SLC19A1: variants seen among roughly 807,000 people sequenced by gnomAD.
The protein encoded by SLC19A1 is reduced folate transporter.
Under a neutral mutation model 35.3 loss-of-function variants are expected in SLC19A1, and 37 were observed. The observed-to-expected ratio is 1.05, with a 90% CI of 0.81 to 1.38. SLC19A1 has a LOEUF of 1.38. SLC19A1 is among the 40% of genes most tolerant of loss of function. SLC19A1 has a pLI of 0.00. For missense variants in SLC19A1, 831 were observed against 826.9 expected (o/e 1.00, Z -0.06); for synonymous variants, 460 against 398.5 (o/e 1.15, Z -1.84).
chr21:45,522,520 A>G (rs1278132159), intron 5 of SLC19A1, among the ~76,000 whole-genome samples: 1 of 152,210 alleles, frequency 6.6e-6, no homozygotes, highest in East Asian at 1.9e-4. Flanking sequence ...AGGAAAACCT[A>G]TATTCACACA....
At chr21:45,502,611 T>C (rs2036925607) in intron 3 of SLC19A1, 1 of 152,170 alleles carries the variant, frequency 6.6e-6, no homozygotes, top group Admixed American at 6.5e-5. Flanking sequence ...CGAACAACAT[T>C]CCTGCACCTC....
At chr21:45,505,484 C>T (rs1410925821) in intron 3 of SLC19A1, 4 of 905,766 alleles carry the variant, frequency 4.4e-6, no homozygotes, top group Middle Eastern at 3.2e-4. Context: ...CTGGCTGGTT[C>T]TGCAGCCCCT....
chr21:45,534,902 C>A lies in SLC19A1; in HGVS notation c.190-2754G>T, dbSNP rs760975581. ...CTGCCTGAGCCCAGCGTCGGCCCTG[C>A]TCTCCACAGGTCTTGGTTGGGGTCC... is the stretch of plus-strand genomic sequence containing the variant. On this transcript the variant is annotated intron_variant, in intron 2 of 5. Coordinates refer to ENST00000311124, the MANE Select transcript of SLC19A1 (RefSeq NM_194255.4). This position sits in a 1 kb window ranked among gnomAD's most constrained non-coding sequence, Gnocchi z 4.2. Among the ~76,000 whole-genome samples, 1 of 152,280 alleles carries A rather than the reference C, an allele frequency of 6.6e-6. No individual in the cohort carries two copies. The highest frequency in any genetic ancestry group is 2.4e-5 in the African/African-American group (1 of 41,478).
At chr21:45,562,129 CA>C (rs34594751) in intron 1 of SLC19A1, among the ~76,000 whole-genome samples, 34,702 of 120,768 alleles carry the variant, frequency 0.29, 4,781 homozygotes, top group Middle Eastern at 0.37. Flanking sequence ...GACTCTGTCT[CA>C]AAAAAAAAAA....
chr21:45,538,336 A>C lies in SLC19A1; in HGVS notation c.-49-328T>G, dbSNP rs934412395. Among the ~76,000 whole-genome samples, 7 of 152,334 alleles carry C rather than the reference A, an allele frequency of 4.6e-5. No homozygotes were observed. In the South Asian group the frequency reaches 1.2e-3, roughly 27 times the overall value. ...ACTTACTTTATTAACTAAACTAACA[A>C]AATTTAGGGTTTGGGGCCACACTAG... On this transcript the variant is annotated intron_variant, in intron 1 of 5. Transcript: ENST00000311124.
downstream of SLC19A1, among the ~76,000 whole-genome samples, chr21:45,508,372 GGATGGATGGTGGGCA>G (rs1443179653): frequency 1.3e-4 from 19 of 151,522 alleles, no homozygotes; most frequent in East Asian, 3.5e-3. Flanking sequence ...GTGGATGGGT[GGATGGATGGTGGGCA>G]GATGGATGGT....
At chr21:45,516,875 C>T (rs1318696234) in intron 5 of SLC19A1, among the ~76,000 whole-genome samples, 1 of 152,240 alleles carries the variant, frequency 6.6e-6, no homozygotes, top group Non-Finnish European at 1.5e-5. Flanking sequence ...GCCAGAATCC[C>T]TGCAGCCCAT....
chr21:45,502,942 G>A (rs2036942248), intron 3 of SLC19A1: 1 of 151,994 alleles, frequency 6.6e-6, no homozygotes, highest in Admixed American at 6.6e-5. Flanking sequence ...CAGATGGAAG[G>A]GCAGTCTAGA....
chr21:45,546,142 C>T (rs974698009), upstream of SLC19A1, among the ~76,000 whole-genome samples: 1 of 152,258 alleles, frequency 6.6e-6, no homozygotes, highest in Non-Finnish European at 1.5e-5. Flanking sequence ...GGCCTGCCTG[C>T]AGCTGTGGCC....
intron 1 of SLC19A1, among the ~76,000 whole-genome samples, chr21:45,559,204 C>A (rs2078591959): frequency 6.6e-6 from 1 of 152,160 alleles, no homozygotes; most frequent in South Asian, 2.1e-4. Flanking sequence ...TGCTTGCATC[C>A]AACCTAAAAA....
rs1386761697 is a variant in SLC19A1, at chr21:45,525,960, T to C, written c.1152-2A>G. ...GACAGAGAAGATGCAATCTGAAAGC[T>C]GAACGGGAAGAGCGGGCAGATCAGG... On this transcript the variant is annotated splice_acceptor_variant, in intron 4 of 5. Transcript: ENST00000311124. LOFTEE classifies it high-confidence loss of function. 6.2e-7 allele frequency: 1 copy of C among 1,612,730 alleles called. No individual in the cohort carries two copies. Among genetic ancestry groups the C allele is most frequent in the African/African-American group, 1.3e-5 (1 of 74,932 alleles).
rs946763523 is a variant in SLC19A1, at chr21:45,554,487, C to T, written c.-50+8255G>A. ...TGCCCCCCCAATCCCCCGCGCCCCC[C>T]TCCCAATCCCCTGCGCCCCCATCCC... On this transcript the variant is annotated intron_variant, in intron 1 of 5. Coordinates refer to the SLC19A1 transcript ENST00000650808. 4.8e-3 allele frequency among the ~76,000 whole-genome samples: 140 copies of T among 29,096 alleles called. 5 individuals carry two copies. Among genetic ancestry groups the T allele is most frequent in the Non-Finnish European group, 7.3e-3 (105 of 14,464 alleles). 19.1% of individuals were successfully genotyped at this position (29,096 alleles called of 152,430 possible).
At position 45,554,676 on chromosome 21, in the gene SLC19A1, G is replaced by A. The variant is rs1304765712; in HGVS notation, c.-50+8066C>T. ...CAGGCCGGCGATCCTTCCTGTGTGC[G>A]TCTCCACATTTTGATTTTTCATTTA... On this transcript the variant is annotated intron_variant, in intron 1 of 5. Coordinates refer to the SLC19A1 transcript ENST00000650808. 4.0e-5 allele frequency among the ~76,000 whole-genome samples: 6 copies of A among 148,808 alleles called. No individual in the cohort carries two copies. The East Asian group carries it at 1.2e-3, about 31-fold the overall frequency.
Position 45,531,922 on chromosome 21 carries a change from T to A in SLC19A1, c.416A>T (p.Tyr139Phe). The change falls in exon 3 of 6, where the codon TAC becomes TTC. Residue 139 changes from tyrosine to phenylalanine, a missense_variant. Physicochemically the swap from Tyr to Phe is conservative, Grantham distance 22. Coordinates refer to ENST00000311124, the MANE Select transcript of SLC19A1 (RefSeq NM_194255.4). Reference sequence around the variant, plus strand: ...CGCGGGCCGCACGAGAGAGAAGATGTAGGAGGAATAGGCGATGCGCGCGGC... The same window carrying A: ...CGCGGGCCGCACGAGAGAGAAGATGAAGGAGGAATAGGCGATGCGCGCGGC... ...TMAARIAYSS[Y>F]IFSLVRPARY... 6.3e-7 allele frequency: 1 copy of A among 1,597,690 alleles called. No individual in the cohort carries two copies. Among genetic ancestry groups the A allele is most frequent in the Non-Finnish European group, 8.5e-7 (1 of 1,172,884 alleles).
chr21:45,528,743 T>C (rs901950582), intron 4 of SLC19A1, among the ~76,000 whole-genome samples: 1 of 152,202 alleles, frequency 6.6e-6, no homozygotes, highest in African/African-American at 2.4e-5. Flanking sequence ...AATGGTGACT[T>C]TACCCATAGA....
Position 45,525,810 on chromosome 21 carries a change from G to A in SLC19A1, c.1293+7C>T, listed in dbSNP as rs199952864. The A allele has an allele frequency of 8.3e-5, 134 of 1,612,982 alleles. No individual in the cohort carries two copies. Among genetic ancestry groups the A allele is most frequent in the Non-Finnish European group, 1.1e-4 (128 of 1,179,880 alleles). ...TCCCCGAGGACGCAGGCCTGAAATG[G>A]GCTCACCTGCTTGCGGACCGGGAGG... On this transcript the variant is annotated splice_region_variant and intron_variant, in intron 5 of 5. Coordinates refer to ENST00000311124, the MANE Select transcript of SLC19A1 (RefSeq NM_194255.4).
chr21:45,504,300 C>G (rs1195863470), intron 3 of SLC19A1: 15 of 1,093,898 alleles, frequency 1.4e-5, no homozygotes, highest in Non-Finnish European at 2.0e-5. Flanking sequence ...GCCAGCAGCT[C>G]CCAGGCCTGG....
At chr21:45,503,414 G>A (rs2036971912) in intron 3 of SLC19A1, among the ~76,000 whole-genome samples, 2 of 151,874 alleles carry the variant, frequency 1.3e-5, no homozygotes, top group South Asian at 2.1e-4. Context: ...TTTTTGATGG[G>A]GTTGTTTGTG....
At chr21:45,510,052 C>G (rs771748902), downstream of SLC19A1, 4 of 1,549,692 alleles carry the variant, frequency 2.6e-6, no homozygotes, top group East Asian at 9.6e-5. Context: ...TGACGCGCCC[C>G]TCTCCCCGCA....
Sources: gnomAD v4.1 joint callset for allele counts (sites outside exome capture counted in the v4.1 genomes callset) on GRCh38, gnomAD v4.1.1 for gene constraint, Gnocchi (gnomAD v3.1) non-coding constraint, MANE v1.5 for transcripts, NCBI Gene and HGNC (gene_info 2026-07-23, HGNC 2026-07-21) for gene names.